The following ASTN2 variants were observed in gnomAD, a reference collection of about 807,000 sequenced individuals.
ASTN2 encodes astrotactin-2.
Under a neutral mutation model 139.8 loss-of-function variants are expected in ASTN2, and 54 were observed. That is an observed-to-expected ratio of 0.39 (90% CI 0.31 to 0.48). The LOEUF (loss-of-function observed/expected upper bound fraction) is 0.48. Among genes scored for constraint, ASTN2 ranks in the 20% least tolerant of loss-of-function variants. ASTN2 has a pLI of 0.95. For synonymous variants in ASTN2, 756 were observed against 719.5 expected (o/e 1.05, Z -0.81); for missense variants, 1,565 against 1,725.1 (o/e 0.91, Z 1.64).
rs2132647523 is a variant in ASTN2 at position 117,039,701 on chromosome 9, TC to T, written c.1423+117del. The stretch of plus-strand genomic sequence containing the variant: ...CAAGGTCTTTAGATGCTCCTTTTTT[TC>T]CTCCTGTAATATATGTAATAGTAAT... On this transcript the variant is annotated intron_variant, in intron 6 of 22. Transcript: ENST00000313400. 2.7e-6 allele frequency: 3 copies of T among 1,112,020 alleles called. No homozygotes were observed. The South Asian group carries it at 9.7e-5, about 36-fold the overall frequency. The allele number at this position is 1,112,020 out of a possible 1,614,324, so 68.9% of individuals were successfully genotyped here.
intron 2 of ASTN2, among the ~76,000 whole-genome samples, chr9:117,281,858 C>G (rs893944789): frequency 1.3e-5 from 2 of 152,176 alleles, no homozygotes; most frequent in Non-Finnish European, 2.9e-5. Context: ...CTCCAGCCCT[C>G]TCATCTCTGC....
intron 3 of ASTN2, 57 bp from the exon 4 acceptor site, chr9:117,141,535 G>T (rs973574695): frequency 1.5e-6 from 2 of 1,317,948 alleles, no homozygotes; most frequent in Middle Eastern, 2.4e-4. Flanking sequence ...AGCACCTAGA[G>T]CACTGGGGCT....
At chr9:116,848,649 G>C (rs761908764) in intron 11 of ASTN2, among the ~76,000 whole-genome samples, 29 of 152,152 alleles carry the variant, frequency 1.9e-4, no homozygotes, top group Non-Finnish European at 3.4e-4. Flanking sequence ...GTAAGGTAGT[G>C]TGACATAGGA....
At chr9:117,268,720 G>C (rs745321408) in intron 2 of ASTN2, among the ~76,000 whole-genome samples, 1 of 152,134 alleles carries the variant, frequency 6.6e-6, no homozygotes, top group Non-Finnish European at 1.5e-5. Flanking sequence ...TCAAAACAAA[G>C]CTCTGACAGA....
chr9:117,008,329 G>GA, intron 6 of ASTN2, 70 bp from the exon 7 acceptor site: 1 of 1,417,778 alleles, frequency 7.1e-7, no homozygotes, highest in Non-Finnish European at 9.4e-7. Context: ...ACAGAACACA[G>GA]AAAGGTGTGT....
At chr9:116,509,901 T>C (rs2119180126) in intron 19 of ASTN2, among the ~76,000 whole-genome samples, 1 of 152,342 alleles carries the variant, frequency 6.6e-6, no homozygotes, top group East Asian at 1.9e-4. Flanking sequence ...AGATTCTGGA[T>C]ATTAGTCCTT....
At chr9:117,032,110 A>T (rs1838263674) in intron 6 of ASTN2, among the ~76,000 whole-genome samples, 1 of 152,172 alleles carries the variant, frequency 6.6e-6, no homozygotes, top group South Asian at 2.1e-4. Context: ...GACTGAAGTC[A>T]TTAGAAAGGC....
intron 13 of ASTN2, among the ~76,000 whole-genome samples, chr9:116,790,440 A>G (rs1244473362): frequency 6.6e-6 from 1 of 151,776 alleles, no homozygotes; most frequent in African/African-American, 2.4e-5. Flanking sequence ...TACCTCTGCA[A>G]TCCCATCCCT....
At chr9:117,000,289 A>G (rs1837158262) in intron 7 of ASTN2, among the ~76,000 whole-genome samples, 1 of 152,254 alleles carries the variant, frequency 6.6e-6, no homozygotes, top group African/African-American at 2.4e-5. Context: ...CCCTACAACC[A>G]GGAAACAGAG....
At chr9:117,130,138 C>T (rs950173622) in intron 4 of ASTN2, among the ~76,000 whole-genome samples, 1 of 152,112 alleles carries the variant, frequency 6.6e-6, no homozygotes, top group African/African-American at 2.4e-5. Context: ...GAAACCCCAT[C>T]TCTACCAAAA....
chr9:116,702,018 T>C (rs1433631063), intron 16 of ASTN2, among the ~76,000 whole-genome samples: 3 of 151,964 alleles, frequency 2.0e-5, no homozygotes, highest in African/African-American at 7.3e-5. Flanking sequence ...CTGAAGAATA[T>C]GCTGTTTCCT....
At chr9:116,454,685 T>C (rs1441799461) in intron 20 of ASTN2, among the ~76,000 whole-genome samples, 2 of 152,212 alleles carry the variant, frequency 1.3e-5, no homozygotes, top group African/African-American at 4.8e-5. Flanking sequence ...GTGGCACATA[T>C]ATACCATGGA....
intron 1 of ASTN2, among the ~76,000 whole-genome samples, chr9:117,302,830 G>A (rs888357790): frequency 3.9e-5 from 6 of 152,130 alleles, no homozygotes; most frequent in African/African-American, 1.4e-4. Flanking sequence ...GAGAGGCAAG[G>A]CTTAAAGGAA....
intron 20 of ASTN2, among the ~76,000 whole-genome samples, chr9:116,478,445 G>C (rs998107902): frequency 1.3e-5 from 2 of 152,208 alleles, no homozygotes; most frequent in Non-Finnish European, 2.9e-5. Context: ...GATAAACCCT[G>C]GGCTGCAGCT....
intron 20 of ASTN2, among the ~76,000 whole-genome samples, chr9:116,472,253 C>T (rs189136578): frequency 3.3e-5 from 5 of 152,290 alleles, no homozygotes; most frequent in Admixed American, 2.6e-4. Flanking sequence ...GTGGTCCCTT[C>T]AATATCCTAC....
chr9:117,108,842 T>G (rs1458174517), intron 4 of ASTN2, among the ~76,000 whole-genome samples: 1 of 152,194 alleles, frequency 6.6e-6, no homozygotes, highest in African/African-American at 2.4e-5. Context: ...TCTGGCATAA[T>G]TTTTCTTCAT....
intron 2 of ASTN2, among the ~76,000 whole-genome samples, chr9:117,246,828 C>T (rs1588129696): frequency 6.6e-6 from 1 of 152,216 alleles, no homozygotes; most frequent in Admixed American, 6.5e-5. Context: ...GTGAAATGGG[C>T]AAGCAGGTGA....
chr9:116,440,840 G>C, intron 21 of ASTN2, 48 bp from the exon 22 acceptor site: 2 of 1,571,870 alleles, frequency 1.3e-6, no homozygotes, highest in Non-Finnish European at 1.7e-6. Context: ...GTGAAAAAAA[G>C]TAAGGATATA....
intron 10 of ASTN2, among the ~76,000 whole-genome samples, chr9:116,919,729 A>G (rs1834548223): frequency 7.2e-6 from 1 of 139,510 alleles, no homozygotes; most frequent in Non-Finnish European, 1.5e-5. Context: ...GGATTGCTTG[A>G]TCCCAGGAGT....
Sources: allele counts gnomAD v4.1 joint callset (sites outside exome capture counted in the v4.1 genomes callset), GRCh38; gene constraint gnomAD v4.1.1; transcripts MANE v1.5; gene names NCBI Gene and HGNC (gene_info 2026-07-23, HGNC 2026-07-21).